SRCAP: variants seen among roughly 807,000 people sequenced by gnomAD.
SRCAP encodes the protein chromatin remodeling protein SRCAP.
A neutral mutation model predicts 263.1 loss-of-function variants in SRCAP; 46 were observed. The ratio of observed to expected loss-of-function variants is 0.17; its 90% CI spans 0.14 to 0.22. SRCAP has a LOEUF of 0.22. Among genes scored for constraint, SRCAP ranks in the 10% least tolerant of loss-of-function variants. The pLI, the probability that SRCAP is intolerant of heterozygous loss-of-function variation, is 1.00. For missense variants in SRCAP, 3,695 were observed against 4,181.9 expected, an observed-to-expected ratio of 0.88 and a Z score of 3.21; for synonymous variants, 1,813 against 1,662.1, an observed-to-expected ratio of 1.09 and a Z score of -2.21.
intron 33 of SRCAP, 65 bp downstream of exon 33, chr16:30,736,689 T>A: frequency 6.4e-7 from 1 of 1,554,588 alleles, no homozygotes; most frequent in Non-Finnish European, 8.8e-7. Flanking sequence ...TTTCTCTTTT[T>A]TTTGAGACAG....
rs767680249 is a variant in SRCAP, at chr16:30,724,402, A to G, written c.4978A>G (p.Thr1660Ala). 2 of 1,613,744 alleles carry G rather than the reference A, an allele frequency of 1.2e-6. No homozygotes were observed. Among genetic ancestry groups the G allele is most frequent in the East Asian group, 2.2e-5 (1 of 44,866 alleles). ...APTPVLAPSSTQTMLPAPVPS... is the reference protein window; with the variant it reads ...APTPVLAPSSAQTMLPAPVPS... ...AACCCCTGTGTTGGCTCCATCATCA[A>G]CTCAAACTATGCTACCAGCCCCGGT... is the stretch of plus-strand genomic sequence containing the variant. Residue 1660 changes from threonine (T) to alanine (A), a missense_variant, in exon 25 of 34, where the codon ACT becomes GCT. Transcript: ENST00000262518.
At chr16:30,718,334 G>A (rs1219787264) in intron 18 of SRCAP, among the ~76,000 whole-genome samples, 1 of 151,514 alleles carries the variant, frequency 6.6e-6, no homozygotes, top group African/African-American at 2.4e-5. Context: ...GCGCCACCAC[G>A]CCCAGCTAAT....
chr16:30,725,643 G>C (rs1014936081), intron 25 of SRCAP: 1 of 153,442 alleles, frequency 6.5e-6, no homozygotes, highest in African/African-American at 2.4e-5. Flanking sequence ...CAGCCGCTAG[G>C]TTGGTCCTGG....
At chr16:30,709,126 C>T (rs2151287139) in intron 6 of SRCAP, among the ~76,000 whole-genome samples, 1 of 152,296 alleles carries the variant, frequency 6.6e-6, no homozygotes, top group East Asian at 1.9e-4. Flanking sequence ...GCCCACCTAC[C>T]TATTTTTTGA....
intron 16 of SRCAP, among the ~76,000 whole-genome samples, chr16:30,715,048 C>T (rs1404026408): frequency 6.6e-6 from 1 of 152,140 alleles, no homozygotes; most frequent in Non-Finnish European, 1.5e-5. Context: ...CTACTCATTC[C>T]TAAGGCTTTG....
chr16:30,709,946 A>G lies in SRCAP; in HGVS notation c.952A>G (p.Arg318Gly), dbSNP rs1596645600. Residue 318 changes from arginine (R) to glycine (G), a missense_variant, in exon 8 of 34, where the codon AGG becomes GGG. By Grantham distance (125) the Arg-to-Gly change is moderately radical. This residue lies in a region of SRCAP where 30 missense variants were observed against 54.1 expected (regional missense o/e 0.55). Coordinates refer to ENST00000262518, the MANE Select transcript of SRCAP (RefSeq NM_006662.3). The part of the protein sequence containing the change: ...QQEGNDAEAQ[R>G]REIELLRREG... ...GGAAGGCAATGATGCAGAGGCCCAG[A>G]GGCGTGAGATTGAGCTGCTTCGCCG... is the stretch of plus-strand genomic sequence containing the variant. The G allele has an allele frequency of 6.2e-7, 1 of 1,614,226 alleles. No individual in the cohort carries two copies. The highest frequency in any genetic ancestry group is 8.5e-7 in the Non-Finnish European group (1 of 1,180,044).
Position 30,721,197 on chromosome 16 carries a change from TC to T in SRCAP, c.3268del (p.Leu1090TrpfsTer4). ...NSGSLPQVLP[S>X]PLGVLSGTSR... ...TTGCTTTGTGTCTGCAGTGTTGCCA[TC>T]CCCCCTGGGGGTCCTGAGTGGGACC... On this transcript the variant is annotated frameshift_variant, in exon 21 of 34. Transcript: ENST00000262518. LOFTEE classifies it high-confidence loss of function. The T allele has an allele frequency of 6.2e-7, 1 of 1,605,638 alleles. No homozygotes were observed. Among genetic ancestry groups the T allele is most frequent in the South Asian group, 1.1e-5 (1 of 89,964 alleles).
chr16:30,716,110 G>A lies in SRCAP; in HGVS notation c.2538G>A (p.Glu846=). ...FLLRRVKVDV[E]KQMPKKYEHV... is the part of the protein sequence containing the mutation. ...TGCGCCGAGTTAAGGTGGATGTTGA[G>A]AAGCAGATGCCCAAAAAGTACGAGC... is the stretch of plus-strand genomic sequence containing the variant. The change falls in exon 17 of 34, where the codon GAG becomes GAA. Residue 846 remains glutamate, a synonymous_variant. Coordinates refer to ENST00000262518, the MANE Select transcript of SRCAP (RefSeq NM_006662.3). 9.9e-6 allele frequency: 16 copies of A among 1,614,226 alleles called. No homozygotes were observed. The highest frequency in any genetic ancestry group is 1.2e-5 in the Non-Finnish European group (14 of 1,180,046).
intron 31 of SRCAP, among the ~76,000 whole-genome samples, chr16:30,734,824 G>T (rs185888672): frequency 6.6e-6 from 1 of 152,262 alleles, no homozygotes; most frequent in East Asian, 1.9e-4. Context: ...TTTAGTTTTA[G>T]GTTTGAATTC....
chr16:30,733,259 T>G lies in SRCAP; in HGVS notation c.6128-21T>G. On this transcript the variant is annotated intron_variant, in intron 27 of 33. Coordinates refer to ENST00000262518, the MANE Select transcript of SRCAP (RefSeq NM_006662.3). This position sits in a 1 kb window ranked among gnomAD's most constrained non-coding sequence, Gnocchi z 5.3. ...ATTGCGGCTTGTAGCTAGCTCCCTG[T>G]ATCCCTTCATATCTCTTTAGGAAAG... The G allele has an allele frequency of 6.2e-7, 1 of 1,611,258 alleles. No individual in the cohort carries two copies. Among genetic ancestry groups the G allele is most frequent in the Non-Finnish European group, 8.5e-7 (1 of 1,179,414 alleles).
Position 30,731,279 on chromosome 16 carries a change from A to G in SRCAP, c.6127+1707A>G, listed in dbSNP as rs79477077. Among the ~76,000 whole-genome samples, 22 of 152,246 alleles carry G rather than the reference A, an allele frequency of 1.4e-4. 1 individual carries two copies. The East Asian group carries it at 4.2e-3, about 29-fold the overall frequency. On this transcript the variant is annotated intron_variant, in intron 27 of 33. Coordinates refer to ENST00000262518, the MANE Select transcript of SRCAP (RefSeq NM_006662.3). ...CCTCTGGCTTATTTAGATCAACTTG[A>G]TTTATTTTCTGGGTTTGGGTTGGGG...
intron 5 of SRCAP, 84 bp downstream of exon 5, chr16:30,707,452 G>T: frequency 6.2e-7 from 1 of 1,603,092 alleles, no homozygotes; most frequent in Non-Finnish European, 8.5e-7. Context: ...AGACAGAATG[G>T]TGTAGGCATT....
At chr16:30,714,632 C>G (rs2052927969) in intron 16 of SRCAP, among the ~76,000 whole-genome samples, 1 of 151,790 alleles carries the variant, frequency 6.6e-6, no homozygotes, top group African/African-American at 2.4e-5. Context: ...TCCTGAGTAG[C>G]TGGGGTTACA....
chr16:30,739,800 TAAC>T lies in SRCAP; in HGVS notation c.*68_*70del. ...CCTCCATGACCAGGCCTGACTCTGT[TAAC>T]CACTACTTGAAGTCTTGAGGGGGAA... On this transcript the variant is annotated 3_prime_UTR_variant, in exon 34 of 34. Transcript: ENST00000262518. 1 of 1,435,114 alleles carries T rather than the reference TAAC, an allele frequency of 7.0e-7. No homozygotes were observed. Among genetic ancestry groups the T allele is most frequent in the Non-Finnish European group, 9.2e-7 (1 of 1,091,290 alleles). 88.9% of individuals were successfully genotyped at this position (1,435,114 alleles called of 1,614,324 possible).
rs1596641738 is a variant in SRCAP at position 30,705,513 on chromosome 16, C to A, written c.306+1198C>A. Among the ~76,000 whole-genome samples, 3 of 151,748 alleles carry A rather than the reference C, an allele frequency of 2.0e-5. No homozygotes were observed. The East Asian group carries it at 5.8e-4, about 30-fold the overall frequency. ...TCCCGGGTTCACAGCCATTCTCTGG[C>A]CTCAGCCTCCTGAGTAGCTAGGACT... is the stretch of plus-strand genomic sequence containing the variant. On this transcript the variant is annotated intron_variant, in intron 4 of 33. Coordinates refer to ENST00000262518, the MANE Select transcript of SRCAP (RefSeq NM_006662.3).
At chr16:30,710,158 C>A in intron 8 of SRCAP, 30 bp downstream of exon 8, 1 of 1,600,252 alleles carries the variant, frequency 6.2e-7, no homozygotes, top group South Asian at 1.1e-5. Flanking sequence ...AGGGAGGGTT[C>A]AGAGGGGGAA....
chr16:30,725,287 T>C (rs2053053620), intron 25 of SRCAP: 1 of 1,143,312 alleles, frequency 8.7e-7, no homozygotes, highest in Non-Finnish European at 1.2e-6. Flanking sequence ...TCCTGAAGTG[T>C]TAGGATTACA....
Position 30,738,991 on chromosome 16 carries a change from G to T in SRCAP, c.8951G>T (p.Cys2984Phe). 1 of 1,613,968 alleles carries T rather than the reference G, an allele frequency of 6.2e-7. No individual in the cohort carries two copies. Among genetic ancestry groups the T allele is most frequent in the Non-Finnish European group, 8.5e-7 (1 of 1,179,942 alleles). ...PLTPLPPLLVCPTATVANTVT... is the reference protein window; with the variant it reads ...PLTPLPPLLVFPTATVANTVT... Reference sequence around the variant, plus strand: ...ACCCCACTCCCACCACTGCTAGTTTGTCCCACTGCTACTGTTGCCAACACT... The same window carrying T: ...ACCCCACTCCCACCACTGCTAGTTTTTCCCACTGCTACTGTTGCCAACACT... Residue 2984 changes from cysteine (C) to phenylalanine (F), a missense_variant, in exon 34 of 34, where the codon TGT becomes TTT. Around this residue, in one of 12 missense-constraint regions of SRCAP, gnomAD observed 1,207 missense variants for 1,142.9 expected, o/e 1.06. Transcript: ENST00000262518.
Position 30,709,575 on chromosome 16 carries a change from T to G in SRCAP, c.696T>G (p.His232Gln). ...AGCGCAAAAAAGCCCTGGACCTGCA[T>G]TTGGACTTCATTGTGGGGCAAACTG... is the stretch of plus-strand genomic sequence containing the variant. ...EEKRKKALDL[H>Q]LDFIVGQTEK... Residue 232 changes from histidine (H) to glutamine (Q), a missense_variant, in exon 7 of 34, where the codon CAT (histidine) becomes CAG (glutamine). By Grantham distance (24) the His-to-Gln change is conservative. Transcript: ENST00000262518. 6.2e-7 allele frequency: 1 copy of G among 1,614,138 alleles called. No homozygotes were observed. The highest frequency in any genetic ancestry group is 8.5e-7 in the Non-Finnish European group (1 of 1,180,020).
Sources: allele counts gnomAD v4.1 joint callset (sites outside exome capture counted in the v4.1 genomes callset), GRCh38; gene constraint gnomAD v4.1.1; regional missense constraint gnomAD v4.1.1; non-coding constraint Gnocchi (gnomAD v3.1); transcripts MANE v1.5; gene names NCBI Gene and HGNC (gene_info 2026-07-23, HGNC 2026-07-21).